POLH: variants seen among roughly 807,000 people sequenced by gnomAD.
POLH encodes the protein DNA polymerase eta, also known as DNA polymerase eta transcript.
In POLH, 53 loss-of-function variants were observed where a neutral mutation model predicts 73.6. That is an observed-to-expected ratio of 0.72 (90% CI 0.58 to 0.91). POLH has a LOEUF of 0.91. POLH is among the 40% of genes least tolerant of loss of function. The probability of loss-of-function intolerance (pLI) is 0.00; values close to 1 mark genes in which losing one functional copy is unlikely to be tolerated. For missense variants in POLH, 768 were observed against 865.4 expected (o/e 0.89, Z 1.41); for synonymous variants, 292 against 308.5 (o/e 0.95, Z 0.56).
intron 3 of POLH, among the ~76,000 whole-genome samples, chr6:43,583,931 G>A (rs1256961635): frequency 1.3e-5 from 2 of 152,106 alleles, no homozygotes; most frequent in African/African-American, 4.8e-5. Flanking sequence ...CACCAGCCTG[G>A]GCAACATAGG....
chr6:43,585,255 A>G (rs903848271), intron 3 of POLH, among the ~76,000 whole-genome samples: 1 of 152,174 alleles, frequency 6.6e-6, no homozygotes, highest in African/African-American at 2.4e-5. Flanking sequence ...AGGAATCTCT[A>G]CTATTACAGC....
chr6:43,614,504 A>G lies in POLH; in HGVS notation c.2089A>G (p.Arg697Gly). ...SPLACTNKRP[R>G]PEGMQTLESF... ...TTTGGCCTGCACTAATAAACGCCCC[A>G]GGCCTGAGGGCATGCAAACATTGGA... Residue 697 changes from arginine to glycine, a missense_variant, in exon 11 of 11, where the codon AGG becomes GGG. Coordinates refer to ENST00000372236, the MANE Select transcript of POLH (RefSeq NM_006502.3). 6.2e-7 allele frequency: 1 copy of G among 1,614,074 alleles called. No individual in the cohort carries two copies. The highest frequency in any genetic ancestry group is 2.2e-5 in the East Asian group (1 of 44,886).
intron 3 of POLH, among the ~76,000 whole-genome samples, chr6:43,585,629 T>C (rs1339790363): frequency 6.8e-6 from 1 of 146,154 alleles, no homozygotes; most frequent in African/African-American, 2.7e-5. Context: ...TATATTGCTC[T>C]TTCTTTTCTT....
At chr6:43,578,590 G>C (rs1163784455) in intron 1 of POLH, 4 of 264,362 alleles carry the variant, frequency 1.5e-5, no homozygotes, top group Non-Finnish European at 3.0e-5. Context: ...CAGATTGGGG[G>C]GCAGTAAAGT....
chr6:43,582,519 T>TTTG (rs765355324), intron 2 of POLH, 63 bp downstream of exon 2: 8 of 1,534,356 alleles, frequency 5.2e-6, no homozygotes, highest in Non-Finnish European at 4.5e-6. Context: ...TGGCAGGTCC[T>TTTG]TTGTTGTTGT....
chr6:43,581,830 C>CG (rs1561896541), intron 1 of POLH, among the ~76,000 whole-genome samples: 1 of 150,968 alleles, frequency 6.6e-6, no homozygotes, highest in African/African-American at 2.4e-5. Flanking sequence ...CATGGCCGGA[C>CG]GGGCTCCCTA....
Position 43,610,541 on chromosome 6 carries a change from T to G in POLH, c.1075-13T>G. 6.2e-7 allele frequency: 1 copy of G among 1,613,008 alleles called. No individual in the cohort carries two copies. The highest frequency in any genetic ancestry group is 8.5e-7 in the Non-Finnish European group (1 of 1,179,064). ...ATAACTTTATTTCTGGTCTCCATCCTTTCCACCCACAGAATGACAGGGTAG... is the reference window on the plus strand; with the variant it reads ...ATAACTTTATTTCTGGTCTCCATCCGTTCCACCCACAGAATGACAGGGTAG... On this transcript the variant is annotated splice_polypyrimidine_tract_variant and intron_variant, in intron 9 of 10. Transcript: ENST00000372236.
rs9333546 is a variant in POLH, at chr6:43,603,644, C to T, written c.765-248C>T. Among the ~76,000 whole-genome samples the T allele has an allele frequency of 0.051, 7,709 of 152,120 alleles. 644 individuals carry two copies. Among genetic ancestry groups the T allele is most frequent in the African/African-American group, 0.17 (7,169 of 41,458 alleles). ...TTTAATCCCCAAACAGGACAGCAGG[C>T]GTTGTACAATTGAACGTTTTATATA... On this transcript the variant is annotated intron_variant, in intron 6 of 10. Transcript: ENST00000372236.
intron 1 of POLH, among the ~76,000 whole-genome samples, chr6:43,578,607 TTAA>T (rs1189941781): frequency 6.6e-6 from 1 of 152,178 alleles, no homozygotes; most frequent in African/African-American, 2.4e-5. Context: ...AAGTATGTAG[TTAA>T]TAATATGCCA....
At position 43,618,121 on chromosome 6, in the gene POLH, T is replaced by A. The variant is rs1361906124; in HGVS notation, c.*3564T>A. On this transcript the variant is annotated 3_prime_UTR_variant, in exon 11 of 11. Coordinates refer to ENST00000372236, the MANE Select transcript of POLH (RefSeq NM_006502.3). The stretch of plus-strand genomic sequence containing the variant: ...AGCTTAGGGTTTAAAATTTGTTATG[T>A]AGCTTTTTGCACTTGTCCATGTTTA... Among the ~76,000 whole-genome samples the A allele has an allele frequency of 1.3e-5, 2 of 152,206 alleles. No individual in the cohort carries two copies. Among genetic ancestry groups the A allele is most frequent in the Non-Finnish European group, 2.9e-5 (2 of 68,034 alleles).
At chr6:43,610,056 C>CTTTTTT (rs1297780442) in intron 9 of POLH, among the ~76,000 whole-genome samples, 24 of 98,484 alleles carry the variant, frequency 2.4e-4, no homozygotes, top group Non-Finnish European at 3.4e-4. Context: ...TATATAGATT[C>CTTTTTT]TTTTTTTTTT....
At chr6:43,584,977 C>T (rs1003040927) in intron 3 of POLH, among the ~76,000 whole-genome samples, 4 of 151,890 alleles carry the variant, frequency 2.6e-5, no homozygotes, top group African/African-American at 9.7e-5. Flanking sequence ...CTCGTCTCTA[C>T]CAAAATTAAA....
At chr6:43,582,913 C>CTAATA (rs1764445397) in intron 2 of POLH, 94 bp from the exon 3 acceptor site, 1 of 1,119,090 alleles carries the variant, frequency 8.9e-7, no homozygotes, top group Admixed American at 2.0e-5. Flanking sequence ...CAAAAAGTTT[C>CTAATA]TAATATGTTT....
chr6:43,615,935 T>G lies in POLH; in HGVS notation c.*1378T>G, dbSNP rs1384542376. Among the ~76,000 whole-genome samples the G allele has an allele frequency of 1.3e-5, 2 of 151,938 alleles. No individual in the cohort carries two copies. The highest frequency in any genetic ancestry group is 2.9e-5 in the Non-Finnish European group (2 of 67,960). On this transcript the variant is annotated 3_prime_UTR_variant, in exon 11 of 11. Coordinates refer to ENST00000372236, the MANE Select transcript of POLH (RefSeq NM_006502.3). ...ATCCGCCTGCCTCGACCTCCCAAAG[T>G]TGCTGGGATTACAGATGTTAGCCAC...
At chr6:43,609,154 C>T (rs1767621236) in intron 9 of POLH, among the ~76,000 whole-genome samples, 4 of 152,098 alleles carry the variant, frequency 2.6e-5, no homozygotes, top group Admixed American at 2.6e-4. Context: ...TCACTCTCTG[C>T]CTTATTCTGC....
intron 6 of POLH, among the ~76,000 whole-genome samples, 189 bp downstream of exon 6, chr6:43,601,280 T>A (rs1247558432): frequency 6.6e-6 from 1 of 151,962 alleles, no homozygotes. Flanking sequence ...TTATTTATTT[T>A]TTGAGACAGA....
Position 43,604,023 on chromosome 6 carries a change from A to AT in POLH, c.884+20dup, listed in dbSNP as rs199876593. ...GGGGAGAAGAATGGGTAAGTGATTC[A>AT]TTTTTTTTAAAATCATAACCTTTAT... On this transcript the variant is annotated intron_variant, in intron 7 of 10. Transcript: ENST00000372236. The AT allele has an allele frequency of 1.6e-3, 2,566 of 1,609,174 alleles. 5 individuals are homozygous for AT. Among genetic ancestry groups the AT allele is most frequent in the South Asian group, 2.7e-3 (248 of 90,994 alleles).
At chr6:43,612,004 C>T (rs1582321262) in intron 10 of POLH, among the ~76,000 whole-genome samples, 1 of 151,778 alleles carries the variant, frequency 6.6e-6, no homozygotes, top group African/African-American at 2.4e-5. Flanking sequence ...TGCGGTGAGC[C>T]GAGATTGCGC....
intron 9 of POLH, among the ~76,000 whole-genome samples, chr6:43,608,492 ATC>A (rs925323468): frequency 2.0e-5 from 3 of 152,194 alleles, no homozygotes; most frequent in Non-Finnish European, 4.4e-5. Flanking sequence ...CTTGTTTCTC[ATC>A]TCTCTCTAAG....
Sources: allele counts gnomAD v4.1 joint callset (sites outside exome capture counted in the v4.1 genomes callset), GRCh38; gene constraint gnomAD v4.1.1; transcripts MANE v1.5; gene names NCBI Gene and HGNC (gene_info 2026-07-23, HGNC 2026-07-21).